FMN1: variants seen among roughly 807,000 people sequenced by gnomAD.
FMN1 encodes formin-1.
In FMN1, 110 loss-of-function variants were observed where a neutral mutation model predicts 132.4. The observed-to-expected ratio is 0.83, with a 90% CI of 0.71 to 0.97. The LOEUF (loss-of-function observed/expected upper bound fraction) is 0.97, where lower values mean the gene tolerates loss of function less well. Ranked by LOEUF, FMN1 falls within the 50% of genes least tolerant of loss-of-function variation. FMN1 has a pLI of 0.00. For synonymous variants in FMN1, 722 were observed against 651.7 expected, an observed-to-expected ratio of 1.11 and a Z score of -1.64; for missense variants, 1,792 against 1,705.3, an observed-to-expected ratio of 1.05 and a Z score of -0.90.
At chr15:32,994,146 A>C (rs534096049) in intron 7 of FMN1, among the ~76,000 whole-genome samples, 1 of 152,206 alleles carries the variant, frequency 6.6e-6, no homozygotes, top group South Asian at 2.1e-4. Context: ...TATCCAGAGC[A>C]TATTTAGTAA....
chr15:33,058,142 A>G (rs933131547), intron 6 of FMN1, among the ~76,000 whole-genome samples: 1 of 123,396 alleles, frequency 8.1e-6, no homozygotes, highest in South Asian at 2.8e-4. Context: ...TGAAGCCAGG[A>G]TGGTGGAGAG....
At chr15:33,002,913 C>T (rs944526036) in intron 7 of FMN1, among the ~76,000 whole-genome samples, 7 of 152,032 alleles carry the variant, frequency 4.6e-5, no homozygotes, top group Non-Finnish European at 7.4e-5. Flanking sequence ...GTTCAACATA[C>T]GAAAATCAAT....
At chr15:32,981,961 A>G (rs34176885) in intron 7 of FMN1, among the ~76,000 whole-genome samples, 3,341 of 152,212 alleles carry the variant, frequency 0.022, 60 homozygotes, top group Non-Finnish European at 0.032. Flanking sequence ...CACACAGGGA[A>G]AAAATGTTGG....
At chr15:33,078,024 C>T (rs975892585) in intron 5 of FMN1, among the ~76,000 whole-genome samples, 9 of 151,542 alleles carry the variant, frequency 5.9e-5, no homozygotes, top group African/African-American at 2.2e-4. Flanking sequence ...ATAGGAACAC[C>T]AATTCTTAAA....
chr15:32,916,776 T>G (rs1051025361), intron 10 of FMN1, among the ~76,000 whole-genome samples: 6 of 152,210 alleles, frequency 3.9e-5, no homozygotes, highest in Admixed American at 2.6e-4. Flanking sequence ...CAGAAATTAT[T>G]TTGTTTACAA....
At chr15:33,103,234 C>T (rs2039360733) in intron 4 of FMN1, among the ~76,000 whole-genome samples, 1 of 152,090 alleles carries the variant, frequency 6.6e-6, no homozygotes, top group Non-Finnish European at 1.5e-5. Context: ...TTAGCATAGA[C>T]TCTGTAGCAG....
rs1369426622 is a variant in FMN1, at chr15:32,774,113, C to T, written c.*197G>A. ...CTGCAATGTTCCCTTAAATAGTTTTCCATTGTTCCTGCGGCTTAATGAGGG... is the reference window on the plus strand; with the variant it reads ...CTGCAATGTTCCCTTAAATAGTTTTTCATTGTTCCTGCGGCTTAATGAGGG... On this transcript the variant is annotated 3_prime_UTR_variant, in exon 21 of 21. Transcript: ENST00000616417. 3.4e-5 allele frequency: 20 copies of T among 588,398 alleles called. No individual in the cohort carries two copies. In the South Asian group the frequency reaches 4.0e-4, roughly 12 times the overall value. 36.4% of individuals were successfully genotyped at this position (588,398 alleles called of 1,614,324 possible). A position where few individuals can be genotyped will look rare whatever the true frequency, so the allele number is the denominator to read the frequency against.
chr15:33,026,623 G>A (rs2035690443), intron 6 of FMN1, among the ~76,000 whole-genome samples: 1 of 152,180 alleles, frequency 6.6e-6, no homozygotes, highest in African/African-American at 2.4e-5. Flanking sequence ...TGACTTGACT[G>A]AAAATGGTAG....
rs748074516 is a variant in FMN1, at chr15:33,067,860, C to T, written c.2044-2786G>A. On this transcript the variant is annotated intron_variant, in intron 5 of 20. Coordinates refer to ENST00000616417, the MANE Select transcript of FMN1 (RefSeq NM_001277313.2). ...GCTGGTTCTGACACATCACTGCCAT[C>T]CAGAGAATTATCAACGTTCTCCATG... The T allele has an allele frequency of 2.1e-5, 34 of 1,611,904 alleles. No individual in the cohort carries two copies. The highest frequency in any genetic ancestry group is 2.8e-5 in the Non-Finnish European group (33 of 1,179,144).
Position 33,154,504 on chromosome 15 carries a change from A to G in FMN1, c.411T>C (p.Gly137=). Residue 137 remains glycine (G), a synonymous_variant, in exon 4 of 21, where the codon GGT becomes GGC. Coordinates refer to ENST00000616417, the MANE Select transcript of FMN1 (RefSeq NM_001277313.2). ...CCACGGGGAGCTCTCCCTGCCAGTC[A>G]CCAGCACTCTGGAAACAGTCATCCT... ...APEDDCFQSA[G]DWQGELPVGP... is the part of the protein sequence containing the mutation. 6.5e-7 allele frequency: 1 copy of G among 1,533,420 alleles called. No homozygotes were observed. The highest frequency in any genetic ancestry group is 1.4e-5 in the African/African-American group (1 of 70,636). 95.0% of individuals were successfully genotyped at this position (1,533,420 alleles called of 1,614,324 possible). A position where few individuals can be genotyped will look rare whatever the true frequency, so the allele number is the denominator to read the frequency against.
chr15:32,848,833 C>T (rs558547709), intron 17 of FMN1, among the ~76,000 whole-genome samples: 39 of 152,268 alleles, frequency 2.6e-4, no homozygotes, highest in African/African-American at 9.4e-4. Flanking sequence ...CTACCTGCTG[C>T]AGCAATGAAC....
At chr15:33,006,405 T>G (rs2034418251) in intron 7 of FMN1, among the ~76,000 whole-genome samples, 1 of 152,150 alleles carries the variant, frequency 6.6e-6, no homozygotes, top group African/African-American at 2.4e-5. Context: ...CAAGTATTGG[T>G]GAGGATATGG....
chr15:32,900,158 G>A (rs1251003395), intron 13 of FMN1, 33 bp from the exon 14 acceptor site: 2 of 1,611,212 alleles, frequency 1.2e-6, no homozygotes, highest in Non-Finnish European at 1.7e-6. Context: ...TTACGGAGCT[G>A]AACTCCAAAT....
At chr15:32,915,842 G>C (rs1024436366) in intron 10 of FMN1, among the ~76,000 whole-genome samples, 4 of 152,128 alleles carry the variant, frequency 2.6e-5, no homozygotes, top group South Asian at 4.1e-4. Flanking sequence ...CTGTCAGTTC[G>C]GTTAGAATAT....
chr15:33,128,673 A>G (rs1963365998), intron 4 of FMN1, among the ~76,000 whole-genome samples: 1 of 152,182 alleles, frequency 6.6e-6, no homozygotes, highest in African/African-American at 2.4e-5. Context: ...GTGAGTTTGT[A>G]GTCTCACTGA....
At position 33,013,871 on chromosome 15, in the gene FMN1, A is replaced by C. The variant is rs74626020; in HGVS notation, c.2162-5796T>G. On this transcript the variant is annotated intron_variant, in intron 6 of 20. Transcript: ENST00000616417. Reference sequence around the variant, plus strand: ...TGAGAATAGCATCTACATTCTAAATAGAAATTATACAGACTATATTTTGCA... The same window carrying C: ...TGAGAATAGCATCTACATTCTAAATCGAAATTATACAGACTATATTTTGCA... Among the ~76,000 whole-genome samples the C allele has an allele frequency of 6.2e-3, 948 of 152,390 alleles. 3 individuals carry two copies. The highest frequency in any genetic ancestry group is 1.0e-2 in the Non-Finnish European group (680 of 68,036).
chr15:32,970,155 G>A lies in FMN1; in HGVS notation c.2224-678C>T, dbSNP rs936100143. On this transcript the variant is annotated intron_variant, in intron 7 of 20. Coordinates refer to ENST00000616417, the MANE Select transcript of FMN1 (RefSeq NM_001277313.2). Reference sequence around the variant, plus strand: ...ACAGCACTTTAAAGTATATAAGACAGTAGTAGCCTTTTTAATGCTTATTGC... The same window carrying A: ...ACAGCACTTTAAAGTATATAAGACAATAGTAGCCTTTTTAATGCTTATTGC... Among the ~76,000 whole-genome samples the A allele has an allele frequency of 5.9e-5, 9 of 152,178 alleles. 1 individual carries two copies. Among genetic ancestry groups the A allele is most frequent in the Admixed American group, 5.2e-4 (8 of 15,282 alleles).
At chr15:32,975,579 C>T (rs1193099640) in intron 7 of FMN1, among the ~76,000 whole-genome samples, 1 of 152,156 alleles carries the variant, frequency 6.6e-6, no homozygotes, top group Non-Finnish European at 1.5e-5. Context: ...CTCTTCTGAT[C>T]TCTTTTCTGT....
chr15:32,893,717 A>C (rs1162975617), intron 15 of FMN1, among the ~76,000 whole-genome samples: 1 of 152,252 alleles, frequency 6.6e-6, no homozygotes, highest in East Asian at 1.9e-4. Context: ...AGAGCACCAC[A>C]CTACTGTGGG....
Sources: gnomAD v4.1 joint callset for allele counts (sites outside exome capture counted in the v4.1 genomes callset) on GRCh38, gnomAD v4.1.1 for gene constraint, MANE v1.5 for transcripts, NCBI Gene and HGNC (gene_info 2026-07-23, HGNC 2026-07-21) for gene names.